Variants in ZNF804B observed in about 807,000 individuals in gnomAD.
ZNF804B encodes zinc finger 804B.
In ZNF804B, 80 loss-of-function variants were observed where a neutral mutation model predicts 101.4. That is an observed-to-expected ratio of 0.79 (90% CI 0.66 to 0.95). The LOEUF is 0.95. ZNF804B is among the 40% of genes least tolerant of loss of function. ZNF804B has a pLI of 0.00. For synonymous variants in ZNF804B, 622 were observed against 558.8 expected (o/e 1.11, Z -1.59); for missense variants, 1,673 against 1,561.9 (o/e 1.07, Z -1.20).
intron 1 of ZNF804B, among the ~76,000 whole-genome samples, chr7:88,793,017 A>G (rs1322542813): frequency 6.6e-6 from 1 of 152,002 alleles, no homozygotes; most frequent in African/African-American, 2.4e-5. Context: ...GCACACTGAG[A>G]TTGGTTTGTC....
chr7:89,125,496 C>T (rs1202064575), intron 1 of ZNF804B, among the ~76,000 whole-genome samples: 2 of 151,844 alleles, frequency 1.3e-5, no homozygotes, highest in East Asian at 3.9e-4. Context: ...AAAATTCTAA[C>T]AGTCTTAGCC....
At chr7:89,285,818 A>T (rs13238022) in intron 2 of ZNF804B, among the ~76,000 whole-genome samples, 1 of 151,592 alleles carries the variant, frequency 6.6e-6, no homozygotes, top group African/African-American at 2.4e-5. Context: ...GAAAGAAAAG[A>T]TAGACACCAG....
chr7:88,873,611 T>A (rs1355546670), intron 1 of ZNF804B, among the ~76,000 whole-genome samples: 1 of 152,190 alleles, frequency 6.6e-6, no homozygotes, highest in African/African-American at 2.4e-5. Flanking sequence ...AGGTTGAATG[T>A]TTAAGTCTTT....
intron 1 of ZNF804B, among the ~76,000 whole-genome samples, chr7:88,979,911 T>C (rs908533146): frequency 9.2e-5 from 14 of 151,748 alleles, no homozygotes; most frequent in African/African-American, 3.4e-4. Context: ...TTTCTTTTTT[T>C]TTTCTTCTTT....
intron 1 of ZNF804B, among the ~76,000 whole-genome samples, chr7:89,149,290 G>A (rs547549632): frequency 1.3e-5 from 2 of 152,136 alleles, no homozygotes; most frequent in East Asian, 3.9e-4. Flanking sequence ...GAACTTACTT[G>A]TCTTGTCTTT....
In ZNF804B at chr7:89,334,708, A is replaced by C. The variant is rs772743211; in HGVS notation, c.1726A>C (p.Lys576Gln). Reference sequence around the variant, plus strand: ...TTTCAGTGCAAATGATTTGGAAATGAAAAATCCTAAAGTGCCTCTTTACCT... The same window carrying C: ...TTTCAGTGCAAATGATTTGGAAATGCAAAATCCTAAAGTGCCTCTTTACCT... Reference protein sequence around the residue: ...YTFSANDLEMKNPKVPLYLNT... With the variant: ...YTFSANDLEMQNPKVPLYLNT... The change falls in exon 4 of 4, where the codon AAA (lysine) becomes CAA (glutamine). Residue 576 changes from lysine to glutamine, a missense_variant. Physicochemically the swap from Lys to Gln is moderately conservative, Grantham distance 53. Coordinates refer to ENST00000333190, the MANE Select transcript of ZNF804B (RefSeq NM_181646.5). The C allele has an allele frequency of 3.1e-6, 5 of 1,613,748 alleles. No homozygotes were observed. The highest frequency in any genetic ancestry group is 1.7e-5 in the Admixed American group (1 of 59,916).
chr7:88,980,210 C>T (rs2116131110), intron 1 of ZNF804B, among the ~76,000 whole-genome samples: 1 of 152,052 alleles, frequency 6.6e-6, no homozygotes, highest in Non-Finnish European at 1.5e-5. Context: ...TCCTTCTCTG[C>T]ATTATGTTGA....
intron 1 of ZNF804B, among the ~76,000 whole-genome samples, chr7:88,912,901 T>G (rs923501010): frequency 6.6e-6 from 1 of 152,122 alleles, no homozygotes; most frequent in Non-Finnish European, 1.5e-5. Flanking sequence ...CTAATAGGAG[T>G]GTTACATGGA....
At chr7:89,288,067 T>G (rs140485664) in intron 2 of ZNF804B, among the ~76,000 whole-genome samples, 8 of 152,064 alleles carry the variant, frequency 5.3e-5, no homozygotes, top group African/African-American at 1.9e-4. Flanking sequence ...GATCTAGATA[T>G]TACAGTTAAC....
At chr7:89,249,879 A>T (rs1331261080) in intron 2 of ZNF804B, among the ~76,000 whole-genome samples, 3 of 152,166 alleles carry the variant, frequency 2.0e-5, no homozygotes, top group Non-Finnish European at 4.4e-5. Context: ...TAGGATTGAT[A>T]GACTGCTAAC....
intron 2 of ZNF804B, among the ~76,000 whole-genome samples, chr7:89,244,777 G>T (rs1377517540): frequency 6.6e-6 from 1 of 152,078 alleles, no homozygotes; most frequent in Non-Finnish European, 1.5e-5. Flanking sequence ...ACAAAGTATG[G>T]ATCAAAACAT....
chr7:89,210,483 T>G (rs1788785965), intron 1 of ZNF804B, among the ~76,000 whole-genome samples: 1 of 152,144 alleles, frequency 6.6e-6, no homozygotes, highest in African/African-American at 2.4e-5. Flanking sequence ...TTTATCCTAA[T>G]GCACTCCCAT....
intron 1 of ZNF804B, among the ~76,000 whole-genome samples, chr7:89,056,047 C>G (rs1472829040): frequency 6.6e-6 from 1 of 152,066 alleles, no homozygotes; most frequent in African/African-American, 2.4e-5. Flanking sequence ...AAGAGACTCT[C>G]TCCCTGTAAT....
chr7:89,008,960 C>A (rs527714602), intron 1 of ZNF804B, among the ~76,000 whole-genome samples: 1 of 152,250 alleles, frequency 6.6e-6, no homozygotes, highest in East Asian at 1.9e-4. Flanking sequence ...CCTAGATTAG[C>A]TACCCTTCTC....
intron 1 of ZNF804B, among the ~76,000 whole-genome samples, chr7:89,053,241 C>G (rs1476514363): frequency 6.6e-6 from 1 of 152,052 alleles, no homozygotes; most frequent in Non-Finnish European, 1.5e-5. Flanking sequence ...ACTTTTATTG[C>G]TTTTACCTCC....
rs189063069 is a variant in ZNF804B at position 89,338,391 on chromosome 7, A to G, written c.*1359A>G. Among the ~76,000 whole-genome samples, 103 of 152,176 alleles carry G rather than the reference A, an allele frequency of 6.8e-4. No individual in the cohort carries two copies. The highest frequency in any genetic ancestry group is 2.3e-3 in the African/African-American group (96 of 41,554). ...TTGCATTATCTTCTTTAATTTTCAC[A>G]ACTGTATTTTGAAATCAGTATTATC... On this transcript the variant is annotated 3_prime_UTR_variant, in exon 4 of 4. Transcript: ENST00000333190.
chr7:89,163,663 T>C (rs1226188327), intron 1 of ZNF804B, among the ~76,000 whole-genome samples: 1 of 143,240 alleles, frequency 7.0e-6, no homozygotes. Flanking sequence ...TGGTCACTTT[T>C]AGCAAAAAAA....
rs893518606 is a variant in ZNF804B, at chr7:88,815,359, C to G, written c.108+55275C>G. Among the ~76,000 whole-genome samples the G allele has an allele frequency of 6.1e-5, 9 of 147,490 alleles. No individual in the cohort carries two copies. The East Asian group carries it at 1.8e-3, about 30-fold the overall frequency. On this transcript the variant is annotated intron_variant, in intron 1 of 3. Coordinates refer to ENST00000333190, the MANE Select transcript of ZNF804B (RefSeq NM_181646.5). ...AATTTATTGTGTTTAATACCAGAAA[C>G]CCAGTACAGTTTTTCAAGTCAAGTT... is the stretch of plus-strand genomic sequence containing the variant.
At chr7:89,146,413 A>G (rs78420704) in intron 1 of ZNF804B, among the ~76,000 whole-genome samples, 1 of 152,192 alleles carries the variant, frequency 6.6e-6, no homozygotes, top group East Asian at 1.9e-4. Context: ...CATCTAAATG[A>G]AATAAATTGG....
Sources: allele counts gnomAD v4.1 joint callset (sites outside exome capture counted in the v4.1 genomes callset), GRCh38; gene constraint gnomAD v4.1.1; transcripts MANE v1.5; gene names NCBI Gene and HGNC (gene_info 2026-07-23, HGNC 2026-07-21).